The following FRMD6 variants were observed in gnomAD, a reference collection of about 807,000 sequenced individuals.
The protein encoded by FRMD6 is FERM domain containing 6, also known as FERM domain-containing protein 6.
Under a neutral mutation model 73.2 loss-of-function variants are expected in FRMD6, and 37 were observed. The ratio of observed to expected loss-of-function variants is 0.51; its 90% CI spans 0.39 to 0.66. FRMD6 has a LOEUF of 0.66. Among genes scored for constraint, FRMD6 ranks in the 30% least tolerant of loss-of-function variants. The pLI is 0.00. For missense variants in FRMD6, 714 were observed against 780.5 expected (o/e 0.91, Z 1.02); for synonymous variants, 273 against 282.2 (o/e 0.97, Z 0.33).
the FRMD6 span, among the ~76,000 whole-genome samples, chr14:51,476,686 T>C: frequency 6.6e-6 from 1 of 152,146 alleles, no homozygotes. Flanking sequence ...CAAGACTACA[T>C]ATCCAAAAAT....
At chr14:51,427,049 C>CAGA in the FRMD6 span, among the ~76,000 whole-genome samples, 1 of 152,310 alleles carries the variant, frequency 6.6e-6, no homozygotes, top group South Asian at 2.1e-4. Context: ...ATATGAGAGT[C>CAGA]TAAGTCCTAT....
chr14:51,658,613 G>A (rs139915026), intron 1 of FRMD6, among the ~76,000 whole-genome samples: 1,573 of 152,056 alleles, frequency 0.01, 30 homozygotes, highest in African/African-American at 0.036. Context: ...GTTTCTTAAA[G>A]ATCCCTGGAA....
intron 2 of FRMD6, among the ~76,000 whole-genome samples, chr14:51,605,917 G>A (rs1025048950): frequency 3.9e-5 from 6 of 152,104 alleles, no homozygotes; most frequent in African/African-American, 1.4e-4. Context: ...TGGATACACT[G>A]AACCCACTCC....
At chr14:51,621,640 G>A (rs896194516) in intron 2 of FRMD6, among the ~76,000 whole-genome samples, 3 of 152,170 alleles carry the variant, frequency 2.0e-5, no homozygotes, top group African/African-American at 7.2e-5. Context: ...AATGACAGGT[G>A]CTGTACACAC....
At chr14:51,578,600 G>A (rs559092439) in intron 2 of FRMD6, among the ~76,000 whole-genome samples, 2 of 152,302 alleles carry the variant, frequency 1.3e-5, no homozygotes, top group Non-Finnish European at 2.9e-5. Context: ...TGCAGACAAG[G>A]ATCTAGAACT....
At chr14:51,503,884 T>C (rs1596505160) in intron 1 of FRMD6, among the ~76,000 whole-genome samples, 1 of 151,736 alleles carries the variant, frequency 6.6e-6, no homozygotes, top group East Asian at 1.9e-4. Flanking sequence ...TTTGATAAGC[T>C]ATTTATTACT....
intron 1 of FRMD6, among the ~76,000 whole-genome samples, chr14:51,493,190 A>T (rs1596489559): frequency 6.6e-6 from 1 of 152,118 alleles, no homozygotes; most frequent in Non-Finnish European, 1.5e-5. Context: ...CTAATCAACA[A>T]TCATCTATTT....
At chr14:51,522,349 G>T (rs1885001087) in intron 1 of FRMD6, among the ~76,000 whole-genome samples, 1 of 152,086 alleles carries the variant, frequency 6.6e-6, no homozygotes, top group Non-Finnish European at 1.5e-5. Flanking sequence ...ATTTACATGT[G>T]ATGACATAAA....
intron 2 of FRMD6, among the ~76,000 whole-genome samples, chr14:51,637,030 T>C (rs1238016647): frequency 2.6e-5 from 4 of 151,956 alleles, no homozygotes; most frequent in African/African-American, 9.7e-5. Flanking sequence ...TTGAGACCAG[T>C]CTGGGCAACA....
At chr14:51,432,492 T>C in the FRMD6 span, among the ~76,000 whole-genome samples, 1 of 152,150 alleles carries the variant, frequency 6.6e-6, no homozygotes, top group Non-Finnish European at 1.5e-5. Flanking sequence ...CTTTGCCAAA[T>C]GGTGAGTTGA....
chr14:51,611,857 T>G (rs1166307302), intron 2 of FRMD6, among the ~76,000 whole-genome samples: 2 of 152,084 alleles, frequency 1.3e-5, no homozygotes, highest in Non-Finnish European at 2.9e-5. Flanking sequence ...TATGTAGCCA[T>G]GAAACATTAT....
intron 2 of FRMD6, among the ~76,000 whole-genome samples, chr14:51,691,032 T>A (rs1895528961): frequency 6.6e-6 from 1 of 152,200 alleles, no homozygotes; most frequent in African/African-American, 2.4e-5. Context: ...GTCAATATCC[T>A]TCACCTAAAG....
chr14:51,624,038 C>A (rs1891028391), intron 2 of FRMD6, among the ~76,000 whole-genome samples: 2 of 152,214 alleles, frequency 1.3e-5, no homozygotes, highest in East Asian at 3.9e-4. Context: ...CCTTAGCAAA[C>A]TAATGCAGGA....
At chr14:51,451,678 G>A in the FRMD6 span, among the ~76,000 whole-genome samples, 1 of 152,136 alleles carries the variant, frequency 6.6e-6, no homozygotes, top group African/African-American at 2.4e-5. Flanking sequence ...ATCACACTTG[G>A]TCTCTCACTC....
rs912769778 is a variant in FRMD6 at position 51,583,586 on chromosome 14, C to G, written c.-147+13176C>G. ...TATATTAAACTTCACAACAATCTTACCAAGTAGCCACTCTTACAATCCATT... is the reference window on the plus strand; with the variant it reads ...TATATTAAACTTCACAACAATCTTAGCAAGTAGCCACTCTTACAATCCATT... On this transcript the variant is annotated intron_variant, in intron 2 of 14. Transcript: ENST00000356218. 5.9e-5 allele frequency among the ~76,000 whole-genome samples: 9 copies of G among 152,160 alleles called. No individual in the cohort carries two copies. In the East Asian group the frequency reaches 1.3e-3, roughly 23 times the overall value.
At chr14:51,661,347 A>G (rs1320836968) in intron 1 of FRMD6, among the ~76,000 whole-genome samples, 1 of 152,174 alleles carries the variant, frequency 6.6e-6, no homozygotes, top group Non-Finnish European at 1.5e-5. Context: ...CAAAGTAATT[A>G]TGCACGTTTT....
At chr14:51,605,327 G>A (rs1359277536) in intron 2 of FRMD6, among the ~76,000 whole-genome samples, 1 of 151,984 alleles carries the variant, frequency 6.6e-6, no homozygotes, top group African/African-American at 2.4e-5. Context: ...AGATTAGGGA[G>A]TGGTGATGAC....
chr14:51,469,944 C>T, the FRMD6 span, among the ~76,000 whole-genome samples: 13 of 149,546 alleles, frequency 8.7e-5, no homozygotes, highest in African/African-American at 3.2e-4. Context: ...CAGAGACAGA[C>T]TCCGTCTCAA....
the FRMD6 span, among the ~76,000 whole-genome samples, chr14:51,442,053 C>T: frequency 6.6e-6 from 1 of 152,138 alleles, no homozygotes; most frequent in Admixed American, 6.6e-5. Context: ...ATCAGACAGC[C>T]CAGGGGAGTG....
Sources: allele counts gnomAD v4.1 joint callset (sites outside exome capture counted in the v4.1 genomes callset), GRCh38; gene constraint gnomAD v4.1.1; transcripts MANE v1.5; gene names NCBI Gene and HGNC (gene_info 2026-07-23, HGNC 2026-07-21).